USP9X: variants seen among roughly 807,000 people sequenced by gnomAD.
The protein encoded by USP9X is ubiquitin carboxyl-terminal hydrolase 9X.
In USP9X, 7 loss-of-function variants were observed where a neutral mutation model predicts 190.3. The observed-to-expected ratio is 0.04, with a 90% CI of 0.02 to 0.07. The LOEUF is 0.07. Ranked by LOEUF, USP9X falls within the 10% of genes least tolerant of loss-of-function variation. The probability of loss-of-function intolerance (pLI) is 1.00; values close to 1 mark genes in which losing one functional copy is unlikely to be tolerated. For missense variants in USP9X, 1,010 were observed against 1,916.9 expected (o/e 0.53, Z 8.83); for synonymous variants, 645 against 659.5 (o/e 0.98, Z 0.34).
chrX:41,217,391 CTTCT>C, intron 36 of USP9X, 48 bp downstream of exon 36: 1 of 1,144,606 alleles, frequency 8.7e-7, no homozygotes, highest in Non-Finnish European at 1.2e-6. Flanking sequence ...GTTTGGTTTG[CTTCT>C]TTAATAGATT....
rs1354397803 is a variant in USP9X, at chrX:41,233,741, C to T, written c.*1217C>T. 1 of 111,902 alleles carries T rather than the reference C, an allele frequency of 8.9e-6. No individual in the cohort carries two copies. The highest frequency in any genetic ancestry group is 1.9e-5 in the Non-Finnish European group (1 of 53,150). 9.2% of individuals were successfully genotyped at this position (111,902 alleles called of 1,213,427 possible). ...AAGCAGGGTCTCATTAAAAAAGAAA[C>T]TACTGGTTGATATAATTGAGATATT... is the stretch of plus-strand genomic sequence containing the variant. On this transcript the variant is annotated 3_prime_UTR_variant, in exon 45 of 45. Coordinates refer to ENST00000378308, the MANE Select transcript of USP9X (RefSeq NM_001039591.3).
At chrX:41,207,372 A>G (rs1411259881) in intron 32 of USP9X, among the ~76,000 whole-genome samples, 1 of 111,523 alleles carries the variant, frequency 9.0e-6, no homozygotes, top group Non-Finnish European at 1.9e-5. Context: ...GGCGTGAGCC[A>G]CTGCACCTGG....
chrX:41,209,259 AT>A (rs1489064100), intron 32 of USP9X, among the ~76,000 whole-genome samples: 2 of 112,006 alleles, frequency 1.8e-5, no homozygotes, highest in Non-Finnish European at 3.8e-5. Flanking sequence ...AATCACAAGG[AT>A]TTGGCTGTTA....
In USP9X at chrX:41,234,673, G is replaced by C. The variant is rs759569225; in HGVS notation, c.*2149G>C. The C allele has an allele frequency of 9.0e-6, 1 of 111,677 alleles. No individual in the cohort carries two copies. Among genetic ancestry groups the C allele is most frequent in the East Asian group, 2.8e-4 (1 of 3,589 alleles). 9.2% of individuals were successfully genotyped at this position (111,677 alleles called of 1,213,427 possible). On this transcript the variant is annotated 3_prime_UTR_variant, in exon 45 of 45. Coordinates refer to ENST00000378308, the MANE Select transcript of USP9X (RefSeq NM_001039591.3). ...CCTCCTGGGTTCAAGCGATTCTTCC[G>C]CCTCAGCCTCCCGAGTAGCTGGGAT...
intron 14 of USP9X, among the ~76,000 whole-genome samples, chrX:41,162,370 G>A: frequency 8.9e-6 from 1 of 111,784 alleles, no homozygotes; most frequent in South Asian, 3.7e-4. Flanking sequence ...GTGTAAATTA[G>A]TAATATTTAT....
intron 1 of USP9X, among the ~76,000 whole-genome samples, chrX:41,120,467 C>G (rs1195618777): frequency 9.0e-6 from 1 of 111,642 alleles, no homozygotes; most frequent in African/African-American, 3.3e-5. Context: ...CTACTTCTCC[C>G]TGAAGCTTCT....
At chrX:41,175,083 T>C in intron 21 of USP9X, among the ~76,000 whole-genome samples, 1 of 112,585 alleles carries the variant, frequency 8.9e-6, no homozygotes. Context: ...GAAATCATGA[T>C]CAAGGAGTTA....
chrX:41,197,347 C>A lies in USP9X; in HGVS notation c.4234-17C>A. 2.4e-6 allele frequency: 2 copies of A among 840,348 alleles called. No individual in the cohort carries two copies. Among genetic ancestry groups the A allele is most frequent in the Non-Finnish European group, 1.5e-6 (1 of 654,604 alleles). 69.3% of individuals were successfully genotyped at this position (840,348 alleles called of 1,213,427 possible). On this transcript the variant is annotated splice_polypyrimidine_tract_variant and intron_variant, in intron 28 of 44. Transcript: ENST00000378308. ...TTGATTTCTTCCCCCCCCCACCCCACCCCCCGCCTTTGGCAGGATGATGTT... is the reference window on the plus strand; with the variant it reads ...TTGATTTCTTCCCCCCCCCACCCCAACCCCCGCCTTTGGCAGGATGATGTT...
intron 38 of USP9X, among the ~76,000 whole-genome samples, chrX:41,219,998 A>T (rs2063246435): frequency 9.0e-6 from 1 of 111,661 alleles, no homozygotes; most frequent in Non-Finnish European, 1.9e-5. Context: ...AAAGCAAACA[A>T]ACCAAAAAGT....
intron 44 of USP9X, 128 bp from the exon 45 acceptor site, chrX:41,232,259 G>A: frequency 5.6e-6 from 4 of 715,817 alleles, no homozygotes; most frequent in Non-Finnish European, 7.8e-6. Flanking sequence ...CACTATAGTA[G>A]TCCAAGGGTA....
chrX:41,170,331 C>T (rs2062714541), intron 19 of USP9X, 96 bp downstream of exon 19: 1 of 1,084,682 alleles, frequency 9.2e-7, no homozygotes, highest in African/African-American at 1.8e-5. Flanking sequence ...ATGTTTGGGA[C>T]TGTGTTAGGT....
chrX:41,111,100 C>T (rs1313346850), intron 1 of USP9X, among the ~76,000 whole-genome samples: 2 of 110,259 alleles, frequency 1.8e-5, no homozygotes, highest in Non-Finnish European at 3.8e-5. Context: ...TTGTCTCCAC[C>T]CCTCCACCTC....
At chrX:41,186,754 T>A in intron 24 of USP9X, 112 bp downstream of exon 24, 2 of 829,484 alleles carry the variant, frequency 2.4e-6, no homozygotes, top group Non-Finnish European at 3.4e-6. Context: ...TGTCTACTAT[T>A]AATATTAGTA....
At chrX:41,173,573 T>C (rs2062747094) in intron 21 of USP9X, among the ~76,000 whole-genome samples, 1 of 111,934 alleles carries the variant, frequency 8.9e-6, no homozygotes, top group South Asian at 3.7e-4. Context: ...TTTGTCTGTA[T>C]AAGCAAAATT....
At position 41,205,435 on chromosome X, in the gene USP9X, C is replaced by A; in HGVS notation, c.4957C>A (p.His1653Asn). Residue 1653 changes from histidine to asparagine, a missense_variant, in exon 32 of 45, where the codon CAT (histidine) becomes AAT (asparagine). Coordinates refer to ENST00000378308, the MANE Select transcript of USP9X (RefSeq NM_001039591.3). ...AAGACACCTTCAGGTCATCTTTGGTCATTTAGCTGCTTCTCGACTGCAATA... is the reference window on the plus strand; with the variant it reads ...AAGACACCTTCAGGTCATCTTTGGTAATTTAGCTGCTTCTCGACTGCAATA... The part of the protein sequence containing the change: ...VLRHLQVIFG[H>N]LAASRLQYYV... 1 of 1,210,898 alleles carries A rather than the reference C, an allele frequency of 8.3e-7. No homozygotes were observed. Among genetic ancestry groups the A allele is most frequent in the Non-Finnish European group, 1.1e-6 (1 of 895,212 alleles).
chrX:41,218,649 G>A, intron 37 of USP9X, 52 bp downstream of exon 37: 1 of 1,126,611 alleles, frequency 8.9e-7, no homozygotes, highest in Non-Finnish European at 1.2e-6. Context: ...AATAAATTGT[G>A]TTTCCTGGAA....
rs752380494 is a variant in USP9X, at chrX:41,096,209, G to A, written c.-159+10100G>A. The stretch of plus-strand genomic sequence containing the variant: ...AGTGTCATCTTCCCCCCCGCTCCCC[G>A]CAAGGGGTTAGACTGGCATCCAGAG... On this transcript the variant is annotated intron_variant, in intron 1 of 44. Transcript: ENST00000378308. 5.3e-5 allele frequency among the ~76,000 whole-genome samples: 6 copies of A among 112,640 alleles called. No individual in the cohort carries two copies. In the East Asian group the frequency reaches 1.7e-3, roughly 31 times the overall value.
chrX:41,216,420 T>G lies in USP9X; in HGVS notation c.5853T>G (p.Leu1951=), dbSNP rs1393700976. ...RQKRWWNAYI[L]FYERMDTIDQ... is the part of the protein sequence containing the mutation. Reference sequence around the variant, plus strand: ...AAAGGTGGTGGAATGCTTATATACTTTTTTATGAACGAATGGACACAATAG... The same window carrying G: ...AAAGGTGGTGGAATGCTTATATACTGTTTTATGAACGAATGGACACAATAG... Residue 1951 remains leucine (L), a synonymous_variant, in exon 35 of 45, where the codon CTT becomes CTG. Coordinates refer to ENST00000378308, the MANE Select transcript of USP9X (RefSeq NM_001039591.3). 1.7e-6 allele frequency: 2 copies of G among 1,209,454 alleles called. No individual in the cohort carries two copies. The highest frequency in any genetic ancestry group is 2.2e-6 in the Non-Finnish European group (2 of 895,173).
chrX:41,093,478 G>A lies in USP9X; in HGVS notation c.-159+7369G>A, dbSNP rs1241089054. Among the ~76,000 whole-genome samples, 5 of 112,064 alleles carry A rather than the reference G, an allele frequency of 4.5e-5. No individual in the cohort carries two copies. In the East Asian group the frequency reaches 1.4e-3, roughly 31 times the overall value. On this transcript the variant is annotated intron_variant, in intron 1 of 44. Transcript: ENST00000378308. The stretch of plus-strand genomic sequence containing the variant: ...TCCTGCCTCGGCCTCCTGAGTAGCT[G>A]GGATTACAGGCATGCGCCACCACAC...
Sources: allele counts gnomAD v4.1 joint callset (sites outside exome capture counted in the v4.1 genomes callset), GRCh38; gene constraint gnomAD v4.1.1; transcripts MANE v1.5; gene names NCBI Gene and HGNC (gene_info 2026-07-23, HGNC 2026-07-21).